ANO4: variants seen among roughly 807,000 people sequenced by gnomAD.
ANO4 encodes anoctamin 4.
A neutral mutation model predicts 141.9 loss-of-function variants in ANO4; 69 were observed. The observed-to-expected ratio is 0.49, with a 90% CI of 0.40 to 0.59. The LOEUF (loss-of-function observed/expected upper bound fraction) is 0.59, where lower values mean the gene tolerates loss of function less well. ANO4 is among the 20% of genes least tolerant of loss of function. The pLI, the probability that ANO4 is intolerant of heterozygous loss-of-function variation, is 0.00. For synonymous variants in ANO4, 350 were observed against 394.3 expected (o/e 0.89, Z 1.33); for missense variants, 894 against 1,162.2 (o/e 0.77, Z 3.36).
intron 13 of ANO4, chr12:101,047,894 A>G (rs2047695248): frequency 1.7e-5 from 10 of 604,356 alleles, no homozygotes; most frequent in Non-Finnish European, 2.1e-5. Context: ...ATGTTTGCTC[A>G]AAACTGCATA....
At chr12:101,075,543 A>G (rs970039658) in intron 14 of ANO4, among the ~76,000 whole-genome samples, 5 of 151,744 alleles carry the variant, frequency 3.3e-5, no homozygotes, top group Admixed American at 3.3e-4. Context: ...AACACTTGAC[A>G]AAACTCTTAG....
At chr12:100,801,438 A>G (rs1028856040) in intron 1 of ANO4, among the ~76,000 whole-genome samples, 1 of 152,196 alleles carries the variant, frequency 6.6e-6, no homozygotes, top group Non-Finnish European at 1.5e-5. Flanking sequence ...AAAGTAAACA[A>G]TGAAAATTTA....
At chr12:100,894,546 T>C (rs1246343244) in intron 1 of ANO4, among the ~76,000 whole-genome samples, 1 of 152,082 alleles carries the variant, frequency 6.6e-6, no homozygotes. Flanking sequence ...TGCCCCCTCT[T>C]ATGGGAACAT....
intron 1 of ANO4, among the ~76,000 whole-genome samples, chr12:100,796,036 AT>A (rs34968573): frequency 0.31 from 43,901 of 141,456 alleles, 7,046 homozygotes; most frequent in East Asian, 0.54. Flanking sequence ...CTTAACAGGG[AT>A]TTTTTTTTTT....
chr12:101,123,298 C>G (rs1566280939), intron 26 of ANO4, among the ~76,000 whole-genome samples: 1 of 152,162 alleles, frequency 6.6e-6, no homozygotes, highest in East Asian at 1.9e-4. Context: ...GACAAAACTT[C>G]TTGTTGTTTG....
At chr12:100,811,314 G>A (rs2035421685) in intron 1 of ANO4, among the ~76,000 whole-genome samples, 1 of 152,136 alleles carries the variant, frequency 6.6e-6, no homozygotes, top group Non-Finnish European at 1.5e-5. Flanking sequence ...TTAGCAAAGG[G>A]TTATAAGATG....
intron 1 of ANO4, among the ~76,000 whole-genome samples, chr12:100,837,922 A>G (rs537001363): frequency 6.6e-6 from 1 of 152,244 alleles, no homozygotes; most frequent in African/African-American, 2.4e-5. Context: ...TTTCTCAGAA[A>G]GCCCCCTTTC....
At chr12:100,890,877 G>A (rs886908790) in intron 1 of ANO4, among the ~76,000 whole-genome samples, 2 of 152,130 alleles carry the variant, frequency 1.3e-5, no homozygotes, top group African/African-American at 4.8e-5. Flanking sequence ...ATTACAATAT[G>A]TATGCACCAT....
chr12:100,749,843 A>G (rs2032291832), intron 3 of ANO4, among the ~76,000 whole-genome samples: 1 of 152,234 alleles, frequency 6.6e-6, no homozygotes, highest in Admixed American at 6.5e-5. Context: ...GAGCTAAGAG[A>G]GCCTGAGTTT....
At chr12:100,991,049 G>A (rs12581932) in intron 8 of ANO4, among the ~76,000 whole-genome samples, 24,582 of 152,126 alleles carry the variant, frequency 0.16, 2,166 homozygotes, top group Admixed American at 0.21. Context: ...GAATCAAACC[G>A]AAGAACCAGA....
In ANO4 at chr12:101,075,716, A is replaced by AAGATATATATATCTTTATATAAAACAAAG. The variant is rs3059507; in HGVS notation, c.1313-3476_1313-3475insGATATATATATCTTTATATAAAACAAAGA. Among the ~76,000 whole-genome samples, 12 of 142,726 alleles carry AAGATATATATATCTTTATATAAAACAAAG rather than the reference A, an allele frequency of 8.4e-5. 1 individual carries two copies. The highest frequency in any genetic ancestry group is 1.6e-4 in the Non-Finnish European group (10 of 64,466). The allele number at this position is 142,726 out of a possible 152,430, so 93.6% of individuals were successfully genotyped here. A position where few individuals can be genotyped will look rare whatever the true frequency, so the allele number is the denominator to read the frequency against. ...GATACATATATCTTTATATAAAACA[A>AAGATATATATATCTTTATATAAAACAAAG]ATATATATATCTTTATATATATATA... On this transcript the variant is annotated intron_variant, in intron 14 of 27. Transcript: ENST00000392977.
At chr12:100,965,013 G>A (rs531222114) in intron 5 of ANO4, among the ~76,000 whole-genome samples, 3 of 152,272 alleles carry the variant, frequency 2.0e-5, no homozygotes, top group African/African-American at 7.2e-5. Context: ...ACAGGCCCTG[G>A]AACATCACAG....
At position 101,121,855 on chromosome 12, in the gene ANO4, C is replaced by T. The variant is rs149438059; in HGVS notation, c.2676+1230C>T. The stretch of plus-strand genomic sequence containing the variant: ...TCGGCTCACTGCAACCTCTGCCTCC[C>T]AGGTTCAAGTAATTCTCTGCCTCAG... On this transcript the variant is annotated intron_variant, in intron 26 of 27. Transcript: ENST00000392977. Among the ~76,000 whole-genome samples, 570 of 149,858 alleles carry T rather than the reference C, an allele frequency of 3.8e-3. 6 individuals carry two copies. The highest frequency in any genetic ancestry group is 0.013 in the African/African-American group (529 of 40,478).
intron 15 of ANO4, 56 bp downstream of exon 15, chr12:101,079,331 A>G: frequency 7.7e-7 from 1 of 1,306,932 alleles, no homozygotes; most frequent in Non-Finnish European, 1.1e-6. Context: ...GAACCACACG[A>G]CCCCCCCCCA....
At chr12:100,809,792 T>A (rs987488019) in intron 1 of ANO4, among the ~76,000 whole-genome samples, 1 of 152,192 alleles carries the variant, frequency 6.6e-6, no homozygotes, top group African/African-American at 2.4e-5. Flanking sequence ...GGTAGCCATA[T>A]GGAGAGCAAA....
chr12:101,103,853 TGA>T (rs2050305306), intron 22 of ANO4, among the ~76,000 whole-genome samples: 2 of 151,932 alleles, frequency 1.3e-5, no homozygotes, highest in African/African-American at 4.8e-5. Context: ...TAGCAGGACT[TGA>T]AATTTTCTTC....
chr12:101,032,241 C>T (rs1379703453), intron 9 of ANO4, among the ~76,000 whole-genome samples: 2 of 152,090 alleles, frequency 1.3e-5, no homozygotes, highest in African/African-American at 4.8e-5. Flanking sequence ...GACACATAGA[C>T]CAATGGAACA....
Position 100,975,955 on chromosome 12 carries a change from A to AGC in ANO4, c.602+1066_602+1067insGC, listed in dbSNP as rs1555266336. 1.6e-5 allele frequency among the ~76,000 whole-genome samples: 2 copies of AGC among 124,624 alleles called. 1 individual carries two copies. 81.8% of individuals were successfully genotyped at this position (124,624 alleles called of 152,430 possible). ...CCAAAAAAAAAAAAAGAAAAAAAAA[A>AGC]CCCACCAGATGAAGATTGCATCTAC... On this transcript the variant is annotated intron_variant, in intron 7 of 27. Coordinates refer to ENST00000392977, the MANE Select transcript of ANO4 (RefSeq NM_001286615.2).
At chr12:100,884,024 CAGCTT>C (rs1202405735) in intron 1 of ANO4, among the ~76,000 whole-genome samples, 1 of 152,150 alleles carries the variant, frequency 6.6e-6, no homozygotes, top group Non-Finnish European at 1.5e-5. Flanking sequence ...TAGTCAAGAT[CAGCTT>C]TATAACTCAA....
Sources: gnomAD v4.1 joint callset for allele counts (sites outside exome capture counted in the v4.1 genomes callset) on GRCh38, gnomAD v4.1.1 for gene constraint, MANE v1.5 for transcripts, NCBI Gene and HGNC (gene_info 2026-07-23, HGNC 2026-07-21) for gene names.